JAZF1: variants seen among roughly 807,000 people sequenced by gnomAD.
The protein encoded by JAZF1 is juxtaposed with another zinc finger protein 1.
A neutral mutation model predicts 26.4 loss-of-function variants in JAZF1; 8 were observed. That is an observed-to-expected ratio of 0.30 (90% CI 0.18 to 0.55). The LOEUF is 0.55. Ranked by LOEUF, JAZF1 falls within the 20% of genes least tolerant of loss-of-function variation. The pLI is 0.94. For synonymous variants in JAZF1, 126 were observed against 122.3 expected (o/e 1.03, Z -0.20); for missense variants, 199 against 322.0 (o/e 0.62, Z 2.92).
chr7:28,024,795 A>G (rs1783065416), intron 1 of JAZF1, among the ~76,000 whole-genome samples: 1 of 152,152 alleles, frequency 6.6e-6, no homozygotes. Context: ...AGATCATGAA[A>G]CGCAGACAGA....
intron 1 of JAZF1, among the ~76,000 whole-genome samples, chr7:27,997,214 A>C (rs1264616700): frequency 6.6e-6 from 1 of 152,132 alleles, no homozygotes; most frequent in Non-Finnish European, 1.5e-5. Flanking sequence ...GGTATGGCAA[A>C]AGGCAAGTGA....
chr7:27,972,572 C>A (rs1186768025), intron 2 of JAZF1, among the ~76,000 whole-genome samples: 1 of 152,088 alleles, frequency 6.6e-6, no homozygotes, highest in African/African-American at 2.4e-5. Flanking sequence ...GACTTAGCTC[C>A]TGCTAAGATA....
chr7:27,839,923 T>C (rs909929463), intron 4 of JAZF1, among the ~76,000 whole-genome samples: 1 of 152,222 alleles, frequency 6.6e-6, no homozygotes, highest in African/African-American at 2.4e-5. Context: ...TTTATACTCC[T>C]AGCTCACAGT....
chr7:28,064,519 T>C (rs1388829817), intron 1 of JAZF1, among the ~76,000 whole-genome samples: 1 of 152,172 alleles, frequency 6.6e-6, no homozygotes, highest in African/African-American at 2.4e-5. Context: ...GAAATGTAGC[T>C]ACAAAAAAAT....
chr7:28,161,080 C>T (rs1474622267), intron 1 of JAZF1, among the ~76,000 whole-genome samples: 4 of 151,952 alleles, frequency 2.6e-5, no homozygotes, highest in Admixed American at 6.6e-5. Context: ...AGCTCAGCTT[C>T]CTCGTTTGTA....
chr7:27,860,199 T>C (rs2128335944), intron 3 of JAZF1, among the ~76,000 whole-genome samples: 1 of 152,384 alleles, frequency 6.6e-6, no homozygotes, highest in Admixed American at 6.5e-5. Flanking sequence ...TGGGTCTTTA[T>C]TTAGAAGTTT....
At chr7:27,994,116 C>A (rs1785963548) in intron 1 of JAZF1, among the ~76,000 whole-genome samples, 1 of 152,094 alleles carries the variant, frequency 6.6e-6, no homozygotes, top group Non-Finnish European at 1.5e-5. Context: ...TACAAAGATA[C>A]ATTTATATTA....
chr7:28,169,541 G>A lies in JAZF1; in HGVS notation c.115+10922C>T, dbSNP rs144540726. Among the ~76,000 whole-genome samples the A allele has an allele frequency of 2.5e-4, 38 of 152,320 alleles. No individual in the cohort carries two copies. In the East Asian group the frequency reaches 4.8e-3, roughly 19 times the overall value. ...AGTCATACTCCACAGTCTACCAGCC[G>A]GTGAGATTCCCAAGTAAACTGAGAT... is the stretch of plus-strand genomic sequence containing the variant. On this transcript the variant is annotated intron_variant, in intron 1 of 4. Transcript: ENST00000283928.
At chr7:27,895,672 C>A (rs1194472620) in intron 2 of JAZF1, among the ~76,000 whole-genome samples, 1 of 152,168 alleles carries the variant, frequency 6.6e-6, no homozygotes, top group Non-Finnish European at 1.5e-5. Flanking sequence ...CTTATACACA[C>A]AGAATACATC....
rs922719699 is a variant in JAZF1, at chr7:28,066,540, T to C, written c.116-74559A>G. ...ATTGCTTGAATCCAGGAGGCAGAGG[T>C]TGCAGTGAGCCGAGATCGCACCACT... On this transcript the variant is annotated intron_variant, in intron 1 of 4. Transcript: ENST00000283928. 2.1e-5 allele frequency among the ~76,000 whole-genome samples: 3 copies of C among 146,166 alleles called. No individual in the cohort carries two copies. The Admixed American group carries it at 2.1e-4, about 10-fold the overall frequency.
chr7:28,045,885 C>T (rs1363466812), intron 1 of JAZF1, among the ~76,000 whole-genome samples: 1 of 152,108 alleles, frequency 6.6e-6, no homozygotes, highest in African/African-American at 2.4e-5. Context: ...GTTTTTATTG[C>T]TTGTTTAAAA....
At chr7:27,847,714 C>T (rs1431436736) in intron 3 of JAZF1, among the ~76,000 whole-genome samples, 1 of 152,174 alleles carries the variant, frequency 6.6e-6, no homozygotes, top group African/African-American at 2.4e-5. Flanking sequence ...GTCGCCCAGG[C>T]TGGAATGCAG....
At chr7:27,978,275 A>C (rs1785510566) in intron 2 of JAZF1, among the ~76,000 whole-genome samples, 1 of 152,082 alleles carries the variant, frequency 6.6e-6, no homozygotes, top group African/African-American at 2.4e-5. Flanking sequence ...AAACAGTCTG[A>C]CTCCTGCTCC....
chr7:27,895,216 T>C lies in JAZF1; in HGVS notation c.385+4A>G. ...TCTCAAGGCGGTAGGGCCAGGCCAC[T>C]CACCTGTCGGAGTGCTGCTGCGGAA... On this transcript the variant is annotated splice_donor_region_variant and intron_variant, in intron 3 of 4. Coordinates refer to ENST00000283928, the MANE Select transcript of JAZF1 (RefSeq NM_175061.4). The C allele has an allele frequency of 6.3e-7, 1 of 1,587,816 alleles. No individual in the cohort carries two copies. The highest frequency in any genetic ancestry group is 1.1e-5 in the South Asian group (1 of 87,296).
intron 1 of JAZF1, among the ~76,000 whole-genome samples, chr7:28,109,477 C>G (rs993105755): frequency 3.9e-5 from 6 of 152,146 alleles, no homozygotes; most frequent in African/African-American, 1.2e-4. Flanking sequence ...CATCTGATAA[C>G]CCATAAACGC....
At chr7:28,066,719 G>A (rs1045405724) in intron 1 of JAZF1, among the ~76,000 whole-genome samples, 1 of 151,640 alleles carries the variant, frequency 6.6e-6, no homozygotes, top group African/African-American at 2.4e-5. Context: ...GAAAAGAAGT[G>A]TCTGTGCTTG....
intron 4 of JAZF1, among the ~76,000 whole-genome samples, chr7:27,837,965 A>ACTC (rs1782848860): frequency 6.6e-6 from 1 of 151,710 alleles, no homozygotes; most frequent in Non-Finnish European, 1.5e-5. Flanking sequence ...GTACTGGAGG[A>ACTC]ATCTACATTA....
intron 1 of JAZF1, among the ~76,000 whole-genome samples, chr7:28,094,412 C>A (rs778733024): frequency 2.6e-5 from 4 of 152,192 alleles, no homozygotes; most frequent in Admixed American, 6.5e-5. Context: ...TCCTTTCCAG[C>A]CCCGGCACCG....
At chr7:27,961,467 A>C (rs1473710587) in intron 2 of JAZF1, among the ~76,000 whole-genome samples, 1 of 152,190 alleles carries the variant, frequency 6.6e-6, no homozygotes, top group Non-Finnish European at 1.5e-5. Flanking sequence ...ACTCAGACCC[A>C]CTGATTGTCC....
Sources: gnomAD v4.1 joint callset for allele counts (sites outside exome capture counted in the v4.1 genomes callset) on GRCh38, gnomAD v4.1.1 for gene constraint, MANE v1.5 for transcripts, NCBI Gene and HGNC (gene_info 2026-07-23, HGNC 2026-07-21) for gene names.